Variants in DMXL2 observed in about 807,000 individuals in gnomAD.
The protein encoded by DMXL2 is Dmx like 2.
In DMXL2, 103 loss-of-function variants were observed where a neutral mutation model predicts 331.1. The ratio of observed to expected loss-of-function variants is 0.31; its 90% CI spans 0.27 to 0.37. The LOEUF (loss-of-function observed/expected upper bound fraction) is 0.37, where lower values mean the gene tolerates loss of function less well. Ranked by LOEUF, DMXL2 falls within the 10% of genes least tolerant of loss-of-function variation. The pLI is 1.00. For missense variants in DMXL2, 3,171 were observed against 3,642.9 expected (o/e 0.87, Z 3.33); for synonymous variants, 1,281 against 1,252.1 (o/e 1.02, Z -0.49).
At position 51,465,627 on chromosome 15, in the gene DMXL2, C is replaced by A; in HGVS notation, c.7545G>T (p.Met2515Ile). Residue 2515 changes from methionine to isoleucine, a missense_variant, in exon 31 of 44, where the codon ATG (methionine) becomes ATT (isoleucine). Around this residue, in one of 7 missense-constraint regions of DMXL2, gnomAD observed 766 missense variants for 940.5 expected, o/e 0.81. Coordinates refer to ENST00000560891, the MANE Select transcript of DMXL2 (RefSeq NM_001378457.1). Reference protein sequence around the residue: ...SYSWALLHLTMVKLALHNVKN... With the variant: ...SYSWALLHLTIVKLALHNVKN... ...TGACATTGTGAAGTGCTAGTTTAAC[C>A]ATTGTCAAATGTAGAAGAGCCCAGC... The A allele has an allele frequency of 6.2e-7, 1 of 1,604,300 alleles. No individual in the cohort carries two copies. The highest frequency in any genetic ancestry group is 8.5e-7 in the Non-Finnish European group (1 of 1,176,658).
At chr15:51,547,027 T>C (rs1025582259) in intron 7 of DMXL2, among the ~76,000 whole-genome samples, 1 of 152,136 alleles carries the variant, frequency 6.6e-6, no homozygotes, top group African/African-American at 2.4e-5. Flanking sequence ...CTACCCTCAC[T>C]CTACAGAGAA....
chr15:51,455,228 A>G lies in DMXL2; in HGVS notation c.8527T>C (p.Cys2843Arg). The change falls in exon 40 of 44, where the codon TGT (cysteine) becomes CGT (arginine). Residue 2843 changes from cysteine (C) to arginine (R), a missense_variant and splice_region_variant. By Grantham distance (180) the Cys-to-Arg change is radical. Around this residue, in one of 7 missense-constraint regions of DMXL2, gnomAD observed 766 missense variants for 940.5 expected, o/e 0.81. Transcript: ENST00000560891. ...AAACCCTCTCCATCCGCAACACCACACTGTAAGAACAGTATAACTACTAAA... is the reference window on the plus strand; with the variant it reads ...AAACCCTCTCCATCCGCAACACCACGCTGTAAGAACAGTATAACTACTAAA... Reference protein sequence around the residue: ...RLYFNSQGNKCGVADGEGFLS... With the variant: ...RLYFNSQGNKRGVADGEGFLS... The G allele has an allele frequency of 6.2e-7, 1 of 1,613,364 alleles. No homozygotes were observed. The highest frequency in any genetic ancestry group is 8.5e-7 in the Non-Finnish European group (1 of 1,179,262).
intron 29 of DMXL2, among the ~76,000 whole-genome samples, chr15:51,470,645 G>C (rs2041016380): frequency 6.6e-6 from 1 of 152,134 alleles, no homozygotes; most frequent in Non-Finnish European, 1.5e-5. Flanking sequence ...CATGTAAAGA[G>C]GGAAACATAC....
At chr15:51,533,233 G>T (rs527590185) in intron 13 of DMXL2, among the ~76,000 whole-genome samples, 19 of 152,202 alleles carry the variant, frequency 1.2e-4, no homozygotes, top group African/African-American at 4.3e-4. Flanking sequence ...ATGTTGCCCA[G>T]GCTGGTCTTG....
intron 29 of DMXL2, among the ~76,000 whole-genome samples, chr15:51,468,492 G>A (rs2040802390): frequency 6.6e-6 from 1 of 152,112 alleles, no homozygotes; most frequent in Non-Finnish European, 1.5e-5. Flanking sequence ...AAAGCTGAAA[G>A]CAAAACAAAA....
chr15:51,553,606 C>T (rs1356616004), intron 6 of DMXL2, among the ~76,000 whole-genome samples: 5 of 152,154 alleles, frequency 3.3e-5, no homozygotes, highest in Non-Finnish European at 7.4e-5. Flanking sequence ...AGACCAACCC[C>T]TCCTCTTCTT....
intron 10 of DMXL2, among the ~76,000 whole-genome samples, 187 bp downstream of exon 10, chr15:51,538,026 A>G (rs2048379914): frequency 6.6e-6 from 1 of 152,248 alleles, no homozygotes; most frequent in Non-Finnish European, 1.5e-5. Context: ...AAGAACATAT[A>G]GAGTTAGATG....
intron 13 of DMXL2, among the ~76,000 whole-genome samples, chr15:51,532,686 A>T (rs74406837): frequency 0.012 from 1,764 of 152,256 alleles, 27 homozygotes; most frequent in East Asian, 0.026. Context: ...TTTTAAAAAA[A>T]TTTTTTAAAC....
chr15:51,555,340 T>C (rs2049493032), intron 6 of DMXL2, among the ~76,000 whole-genome samples: 1 of 152,086 alleles, frequency 6.6e-6, no homozygotes, highest in Non-Finnish European at 1.5e-5. Context: ...GGATATATTC[T>C]AAAGGTGAGC....
chr15:51,453,793 T>C, intron 40 of DMXL2, 152 bp from the exon 41 acceptor site: 2 of 627,190 alleles, frequency 3.2e-6, no homozygotes, highest in South Asian at 2.0e-5. Context: ...AGTGATAGTA[T>C]GAGGCTTAAC....
rs550819906 is a variant in DMXL2, at chr15:51,559,068, T to G, written c.567+4313A>C. Among the ~76,000 whole-genome samples, 5 of 152,314 alleles carry G rather than the reference T, an allele frequency of 3.3e-5. No individual in the cohort carries two copies. In the East Asian group the frequency reaches 7.7e-4, roughly 23 times the overall value. On this transcript the variant is annotated intron_variant, in intron 6 of 43. Transcript: ENST00000560891. ...TTAAAGCAACTCTGGCCTAGAAGAT[T>G]ATGTAACATAGGAAAACCCTCAGAA... is the stretch of plus-strand genomic sequence containing the variant.
At chr15:51,459,824 TAAAC>T in intron 33 of DMXL2, 164 bp from the exon 34 acceptor site, 1 of 1,183,836 alleles carries the variant, frequency 8.4e-7, no homozygotes, top group Non-Finnish European at 1.1e-6. Flanking sequence ...AGTCATCAAA[TAAAC>T]ACAACACAAA....
intron 36 of DMXL2, chr15:51,457,825 A>G (rs1427709026): frequency 5.4e-6 from 1 of 183,940 alleles, no homozygotes; most frequent in Non-Finnish European, 1.1e-5. Context: ...GGAGTAAGAC[A>G]TATAAAATGT....
At chr15:51,464,628 G>A in intron 32 of DMXL2, 47 bp downstream of exon 32, 1 of 1,543,218 alleles carries the variant, frequency 6.5e-7, no homozygotes, top group East Asian at 2.3e-5. Flanking sequence ...CTGTCTTCCA[G>A]AAAAGTTAAG....
At chr15:51,609,469 T>G (rs1467099809) in intron 1 of DMXL2, among the ~76,000 whole-genome samples, 1 of 152,224 alleles carries the variant, frequency 6.6e-6, no homozygotes, top group African/African-American at 2.4e-5. Flanking sequence ...AAGATTATAA[T>G]GCCATATTTT....
Position 51,537,476 on chromosome 15 carries a change from A to T in DMXL2, c.1617+12T>A. 6.3e-7 allele frequency: 1 copy of T among 1,589,214 alleles called. No individual in the cohort carries two copies. Among genetic ancestry groups the T allele is most frequent in the Non-Finnish European group, 8.6e-7 (1 of 1,163,036 alleles). ...TAAGAAATGTAATAACTATTTCATC[A>T]ATAAAATATACCTGAACTTGTCTAA... On this transcript the variant is annotated intron_variant, in intron 11 of 43. Transcript: ENST00000560891.
In DMXL2 at chr15:51,514,824, G is replaced by GAA. The variant is rs35796044; in HGVS notation, c.2527-267_2527-266dup. 4.2e-3 allele frequency among the ~76,000 whole-genome samples: 526 copies of GAA among 126,698 alleles called. 2 individuals are homozygous for GAA. Among genetic ancestry groups the GAA allele is most frequent in the African/African-American group, 0.013 (453 of 33,802 alleles). The allele number at this position is 126,698 out of a possible 152,430, so 83.1% of individuals were successfully genotyped here. On this transcript the variant is annotated intron_variant, in intron 14 of 43. Coordinates refer to ENST00000560891, the MANE Select transcript of DMXL2 (RefSeq NM_001378457.1). ...ACAAATCAACAGGTTTGCTTCTCAG[G>GAA]AAAAAAAAAAAAAAAAAGATGCTAA...
intron 1 of DMXL2, among the ~76,000 whole-genome samples, chr15:51,601,504 C>G (rs909305418): frequency 2.0e-5 from 3 of 152,070 alleles, no homozygotes; most frequent in African/African-American, 7.2e-5. Context: ...AACAAGATGT[C>G]CCAGCACCAC....
intron 1 of DMXL2, among the ~76,000 whole-genome samples, chr15:51,617,848 G>C (rs577899681): frequency 1.3e-5 from 2 of 152,276 alleles, no homozygotes; most frequent in Middle Eastern, 6.8e-3. Flanking sequence ...CTGAGTAGTT[G>C]CTAGGAGTCT....
Sources: gnomAD v4.1 joint callset for allele counts (sites outside exome capture counted in the v4.1 genomes callset) on GRCh38, gnomAD v4.1.1 for gene constraint, gnomAD v4.1.1 regional missense constraint, MANE v1.5 for transcripts, NCBI Gene and HGNC (gene_info 2026-07-23, HGNC 2026-07-21) for gene names.